The following HSD17B11 variants were observed in gnomAD, a reference collection of about 807,000 sequenced individuals.
HSD17B11 encodes hydroxysteroid 17-beta dehydrogenase 11, also known as estradiol 17-beta-dehydrogenase 11.
HSD17B11 carries 22 observed loss-of-function variants against 27.8 expected under a neutral mutation model. The ratio of observed to expected loss-of-function variants is 0.79; its 90% CI spans 0.56 to 1.13. The LOEUF (loss-of-function observed/expected upper bound fraction) is 1.13. Among genes scored for constraint, HSD17B11 ranks in the 50% most tolerant of loss-of-function variants. The pLI, the probability that HSD17B11 is intolerant of heterozygous loss-of-function variation, is 0.00. For synonymous variants in HSD17B11, 117 were observed against 132.8 expected (o/e 0.88, Z 0.82); for missense variants, 314 against 351.1 (o/e 0.89, Z 0.84).
chr4:87,339,372 C>T lies in HSD17B11; in HGVS notation c.812+1118G>A, dbSNP rs78217104. 4.1e-4 allele frequency among the ~76,000 whole-genome samples: 62 copies of T among 152,328 alleles called. 2 individuals carry two copies. The East Asian group carries it at 0.011, about 27-fold the overall frequency. The stretch of plus-strand genomic sequence containing the variant: ...TTCATTTCTTGAGTTTTTTGCTCTT[C>T]GCATCAGTAATTCTCAAAATATAAT... On this transcript the variant is annotated intron_variant, in intron 6 of 6. Coordinates refer to ENST00000358290, the MANE Select transcript of HSD17B11 (RefSeq NM_016245.5).
At chr4:87,382,424 G>A in intron 1 of HSD17B11, 62 bp from the exon 2 acceptor site, 1 of 972,778 alleles carries the variant, frequency 1.0e-6, no homozygotes. Flanking sequence ...ATCGACAGCT[G>A]AAAATAATTA....
rs140298084 is a variant in HSD17B11 at position 87,390,975 on chromosome 4, T to C, written c.96A>G (p.Lys32=). 68 of 1,614,088 alleles carry C rather than the reference T, an allele frequency of 4.2e-5. 1 individual carries two copies. In the African/African-American group the frequency reaches 6.4e-4, roughly 15 times the overall value. The change falls in exon 1 of 7, where the codon AAA becomes AAG. Residue 32 remains lysine, a synonymous_variant. Coordinates refer to ENST00000358290, the MANE Select transcript of HSD17B11 (RefSeq NM_016245.5). The part of the protein sequence containing the change: ...FVKLFIPKRR[K]SVTGEIVLIT... ...TCAGCACGATTTCGCCGGTGACTGA[T>C]TTTCTCCTCTTAGGAATAAAAAGCT... is the stretch of plus-strand genomic sequence containing the variant.
At chr4:87,390,544 C>T (rs532685524) in intron 1 of HSD17B11, among the ~76,000 whole-genome samples, 67 of 152,210 alleles carry the variant, frequency 4.4e-4, no homozygotes, top group African/African-American at 1.6e-3. Flanking sequence ...ATAGCTAAAA[C>T]GATTGTTTTT....
intron 4 of HSD17B11, among the ~76,000 whole-genome samples, chr4:87,364,201 C>G (rs1322696880): frequency 1.4e-5 from 2 of 148,058 alleles, no homozygotes; most frequent in Non-Finnish European, 3.0e-5. Context: ...ATGAAAGGCC[C>G]GTAGATAACT....
At chr4:87,378,916 AT>A (rs1300838075) in intron 2 of HSD17B11, among the ~76,000 whole-genome samples, 1 of 13,898 alleles carries the variant, frequency 7.2e-5, no homozygotes, top group African/African-American at 5.3e-4. Flanking sequence ...ATATATATAT[AT>A]AAATATATAT....
In HSD17B11 at chr4:87,338,196, G is replaced by A. The variant is rs891808444; in HGVS notation, c.813-830C>T. 4.6e-5 allele frequency among the ~76,000 whole-genome samples: 7 copies of A among 152,172 alleles called. No homozygotes were observed. In the South Asian group the frequency reaches 6.2e-4, roughly 14 times the overall value. Reference sequence around the variant, plus strand: ...CATGCCATTGCGCTCCAGCCTGGGCGACAGAGCGAGACTCCGTCCCCCACA... The same window carrying A: ...CATGCCATTGCGCTCCAGCCTGGGCAACAGAGCGAGACTCCGTCCCCCACA... On this transcript the variant is annotated intron_variant, in intron 6 of 6. Transcript: ENST00000358290.
chr4:87,373,620 A>C (rs1735763274), intron 3 of HSD17B11, among the ~76,000 whole-genome samples: 1 of 151,964 alleles, frequency 6.6e-6, no homozygotes, highest in South Asian at 2.1e-4. Context: ...CAAGGTGGGA[A>C]GATCATTTGA....
intron 5 of HSD17B11, among the ~76,000 whole-genome samples, chr4:87,345,901 C>T (rs1471872760): frequency 1.3e-5 from 2 of 152,126 alleles, no homozygotes; most frequent in African/African-American, 4.8e-5. Flanking sequence ...CCTTCAAATT[C>T]TCCCAAAAAA....
chr4:87,353,109 C>T (rs9307033), intron 5 of HSD17B11, among the ~76,000 whole-genome samples: 1 of 105,408 alleles, frequency 9.5e-6, no homozygotes, highest in African/African-American at 5.1e-5. Context: ...AGCTGTAGAC[C>T]GGAGCTGTTC....
At chr4:87,363,120 GA>G (rs886442562) in intron 4 of HSD17B11, among the ~76,000 whole-genome samples, 6 of 150,928 alleles carry the variant, frequency 4.0e-5, no homozygotes, top group Admixed American at 6.6e-5. Flanking sequence ...TGGTCAAAAT[GA>G]AAAAAAAAAT....
intron 6 of HSD17B11, among the ~76,000 whole-genome samples, chr4:87,338,095 T>C (rs1735086876): frequency 2.0e-5 from 3 of 152,178 alleles, no homozygotes; most frequent in South Asian, 2.1e-4. Context: ...CGGGTGCCTA[T>C]AGTCCCAGCT....
chr4:87,358,637 C>T (rs572619344), intron 4 of HSD17B11, among the ~76,000 whole-genome samples: 192 of 152,052 alleles, frequency 1.3e-3, no homozygotes, highest in African/African-American at 4.6e-3. Flanking sequence ...GTCATTTTAA[C>T]CATTTTTAAG....
At chr4:87,354,475 C>G (rs1454382734) in intron 5 of HSD17B11, among the ~76,000 whole-genome samples, 2 of 151,356 alleles carry the variant, frequency 1.3e-5, no homozygotes, top group Non-Finnish European at 2.9e-5. Flanking sequence ...GACCCTGTCT[C>G]TACAAAAAAT....
In HSD17B11 at chr4:87,346,521, G is replaced by A. The variant is rs918600658; in HGVS notation, c.696-5915C>T. 2.6e-5 allele frequency among the ~76,000 whole-genome samples: 4 copies of A among 152,018 alleles called. No individual in the cohort carries two copies. In the East Asian group the frequency reaches 5.8e-4, roughly 22 times the overall value. ...AAAAATTAGCTGGGCATGGTGGCAC[G>A]CACCTGTACTCCCAGCTACTTGGGA... On this transcript the variant is annotated intron_variant, in intron 5 of 6. Transcript: ENST00000358290.
chr4:87,340,579 T>G lies in HSD17B11; in HGVS notation c.723A>C (p.Glu241Asp), dbSNP rs775491710. The G allele has an allele frequency of 1.4e-5, 23 of 1,612,748 alleles. No homozygotes were observed. Among genetic ancestry groups the G allele is most frequent in the Non-Finnish European group, 1.8e-5 (21 of 1,179,412 alleles). Residue 241 changes from glutamate to aspartate, a missense_variant, in exon 6 of 7, where the codon GAA becomes GAC. Coordinates refer to ENST00000358290, the MANE Select transcript of HSD17B11 (RefSeq NM_016245.5). ...TCCCATGCATCAGCCTGTTTACCAC[T>G]TCCTCAGGTTCCAGAGTGGGTCCCA... ...TSLGPTLEPEEVVNRLMHGIL... is the reference protein window; with the variant it reads ...TSLGPTLEPEDVVNRLMHGIL...
At chr4:87,377,307 A>G (rs530021026) in intron 2 of HSD17B11, among the ~76,000 whole-genome samples, 1 of 151,700 alleles carries the variant, frequency 6.6e-6, no homozygotes, top group East Asian at 2.0e-4. Flanking sequence ...AAAATTAGCT[A>G]GGCGTGGTGA....
At chr4:87,361,842 C>G (rs915895989) in intron 4 of HSD17B11, among the ~76,000 whole-genome samples, 2 of 152,154 alleles carry the variant, frequency 1.3e-5, no homozygotes, top group African/African-American at 4.8e-5. Context: ...TCCAAGAACC[C>G]TCTCTTGGGG....
intron 5 of HSD17B11, among the ~76,000 whole-genome samples, chr4:87,342,060 G>T (rs1192107080): frequency 6.6e-6 from 1 of 152,022 alleles, no homozygotes; most frequent in East Asian, 1.9e-4. Context: ...ATTTTGGGGA[G>T]GCTTATTTTT....
chr4:87,357,548 A>G, intron 4 of HSD17B11, 132 bp from the exon 5 acceptor site: 1 of 708,160 alleles, frequency 1.4e-6, no homozygotes, highest in Non-Finnish European at 2.2e-6. Context: ...GAGCTACTGC[A>G]TCAGAGCCCA....
Sources: allele counts gnomAD v4.1 joint callset (sites outside exome capture counted in the v4.1 genomes callset), GRCh38; gene constraint gnomAD v4.1.1; transcripts MANE v1.5; gene names NCBI Gene and HGNC (gene_info 2026-07-23, HGNC 2026-07-21).